The following SH3D19 variants were observed in gnomAD, a reference collection of about 807,000 sequenced individuals.
The protein encoded by SH3D19 is SH3 domain containing 19, also known as SH3 domain-containing protein 19.
A neutral mutation model predicts 112.1 loss-of-function variants in SH3D19; 58 were observed. That is an observed-to-expected ratio of 0.52 (90% confidence interval 0.42 to 0.64). The LOEUF (loss-of-function observed/expected upper bound fraction) is 0.64. SH3D19 is among the 30% of genes least tolerant of loss of function. SH3D19 has a pLI of 0.00. For missense variants in SH3D19, 1,090 were observed against 1,263.4 expected (o/e 0.86, Z 2.08); for synonymous variants, 391 against 448.5 (o/e 0.87, Z 1.62).
At chr4:151,158,069 TAGCTGGAA>T (rs1756458474) in intron 9 of SH3D19, among the ~76,000 whole-genome samples, 1 of 152,098 alleles carries the variant, frequency 6.6e-6, no homozygotes, top group Non-Finnish European at 1.5e-5. Context: ...TAGCTTCAAA[TAGCTGGAA>T]GGAAGATATT....
At chr4:151,267,756 A>G (rs992062977) in intron 1 of SH3D19, among the ~76,000 whole-genome samples, 6 of 152,188 alleles carry the variant, frequency 3.9e-5, no homozygotes, top group Admixed American at 3.3e-4. Flanking sequence ...GACCAAAAGA[A>G]CAGGTGCATT....
intron 1 of SH3D19, among the ~76,000 whole-genome samples, chr4:151,234,551 C>A (rs910786739): frequency 4.6e-5 from 7 of 152,090 alleles, no homozygotes; most frequent in Admixed American, 4.6e-4. Context: ...CCTAATGATT[C>A]TCTTGCCTTA....
At chr4:151,235,735 G>C (rs997835763) in intron 1 of SH3D19, among the ~76,000 whole-genome samples, 1 of 152,170 alleles carries the variant, frequency 6.6e-6, no homozygotes, top group South Asian at 2.1e-4. Context: ...GCAGTGAGCT[G>C]AGATTGCGCC....
intron 18 of SH3D19, 87 bp downstream of exon 18, chr4:151,128,083 A>C: frequency 1.4e-5 from 14 of 1,036,520 alleles, no homozygotes; most frequent in Non-Finnish European, 1.7e-5. Context: ...CAAACTGAGC[A>C]TGGCCAGAGG....
intron 7 of SH3D19, chr4:151,170,683 G>A (rs902715586): frequency 6.6e-6 from 1 of 152,088 alleles, no homozygotes; most frequent in African/African-American, 2.4e-5. Context: ...TGGCAAAGAC[G>A]ACAAGAGATA....
chr4:151,172,761 C>A (rs1192958413), intron 7 of SH3D19, among the ~76,000 whole-genome samples: 1 of 152,132 alleles, frequency 6.6e-6, no homozygotes, highest in African/African-American at 2.4e-5. Context: ...AACAGCTAGC[C>A]ACTGTGTGAC....
chr4:151,287,364 G>C (rs1352954771), intron 1 of SH3D19, among the ~76,000 whole-genome samples: 1 of 149,042 alleles, frequency 6.7e-6, no homozygotes, highest in South Asian at 2.1e-4. Context: ...AAAAAAAAGA[G>C]GGAACACTTC....
rs373615753 is a variant in SH3D19 at position 151,147,974 on chromosome 4, G to A, written c.2030C>T (p.Pro677Leu). The part of the protein sequence containing the change: ...AKSQVFKNQD[P>L]VLPPRPKPGH... Reference sequence around the variant, plus strand: ...TGGTTTGGGACGAGGGGGTAGCACCGGATCTTGATTTTTAAAAACTTGACT... The same window carrying A: ...TGGTTTGGGACGAGGGGGTAGCACCAGATCTTGATTTTTAAAAACTTGACT... Residue 677 changes from proline to leucine, a missense_variant, in exon 11 of 20, where the codon CCG becomes CTG. Physicochemically the swap from Pro to Leu is moderately conservative, Grantham distance 98. Transcript: ENST00000604030. The A allele has an allele frequency of 2.5e-5, 40 of 1,613,946 alleles. No individual in the cohort carries two copies. The highest frequency in any genetic ancestry group is 4.4e-5 in the South Asian group (4 of 91,074).
intron 1 of SH3D19, among the ~76,000 whole-genome samples, chr4:151,241,409 A>G (rs1770546734): frequency 6.6e-6 from 1 of 151,980 alleles, no homozygotes; most frequent in African/African-American, 2.4e-5. Context: ...ATAAAGACAG[A>G]AAGTATTATA....
intron 1 of SH3D19, among the ~76,000 whole-genome samples, chr4:151,267,353 C>T (rs114979651): frequency 0.014 from 2,169 of 151,708 alleles, 28 homozygotes; most frequent in Non-Finnish European, 0.024. Flanking sequence ...AAAAAAAAGG[C>T]TCTTTCCACT....
chr4:151,127,774 A>G, intron 18 of SH3D19, 59 bp from the exon 19 acceptor site: 1 of 1,016,254 alleles, frequency 9.8e-7, no homozygotes, highest in Non-Finnish European at 1.4e-6. Flanking sequence ...ACACAAATCT[A>G]ACATTTTTTA....
chr4:151,318,260 C>T (rs1214840679), intron 1 of SH3D19, among the ~76,000 whole-genome samples: 1 of 138,870 alleles, frequency 7.2e-6, no homozygotes, highest in Non-Finnish European at 1.5e-5. Context: ...AAGATCGCGC[C>T]ACTGCACTCC....
intron 1 of SH3D19, among the ~76,000 whole-genome samples, chr4:151,248,808 T>TAAACA (rs962350296): frequency 7.9e-5 from 12 of 152,114 alleles, no homozygotes; most frequent in African/African-American, 1.4e-4. Flanking sequence ...CACCCCCTTG[T>TAAACA]AAACAAAACA....
chr4:151,268,189 A>G (rs114754737), intron 1 of SH3D19, among the ~76,000 whole-genome samples: 21 of 152,354 alleles, frequency 1.4e-4, no homozygotes, highest in African/African-American at 4.8e-4. Context: ...TGTACTGAAC[A>G]CTGTAGGCAA....
At chr4:151,286,539 C>A (rs1774804872) in intron 1 of SH3D19, among the ~76,000 whole-genome samples, 1 of 150,058 alleles carries the variant, frequency 6.7e-6, no homozygotes. Context: ...CATAACTTAC[C>A]TAAGAAGAAA....
At chr4:151,218,814 T>C (rs1053829312) in intron 2 of SH3D19, among the ~76,000 whole-genome samples, 13 of 152,206 alleles carry the variant, frequency 8.5e-5, no homozygotes, top group African/African-American at 3.1e-4. Context: ...TGTTTTGCCA[T>C]GTGGTCCCTG....
rs575080445 is a variant in SH3D19, at chr4:151,276,156, C to T, written c.112+49085G>A. Reference sequence around the variant, plus strand: ...CCGTGCCTGGCCTATTAGTTTTAAACTGCTTATATGTTTCTTTCAAGCATC... The same window carrying T: ...CCGTGCCTGGCCTATTAGTTTTAAATTGCTTATATGTTTCTTTCAAGCATC... On this transcript the variant is annotated intron_variant, in intron 1 of 19. Transcript: ENST00000604030. 3.3e-5 allele frequency among the ~76,000 whole-genome samples: 5 copies of T among 152,166 alleles called. No homozygotes were observed. In the South Asian group the frequency reaches 8.3e-4, roughly 25 times the overall value.
chr4:151,319,214 A>ATTTTTGTATTTTTGT (rs1730306427), intron 1 of SH3D19, among the ~76,000 whole-genome samples: 2 of 152,146 alleles, frequency 1.3e-5, no homozygotes, highest in Non-Finnish European at 2.9e-5. Context: ...ACATCTGGCT[A>ATTTTTGTATTTTTGT]ATTTTTTGTA....
At chr4:151,292,188 A>G (rs1349845762) in intron 1 of SH3D19, among the ~76,000 whole-genome samples, 3 of 152,066 alleles carry the variant, frequency 2.0e-5, no homozygotes, top group Non-Finnish European at 4.4e-5. Context: ...GGTCTCAGCT[A>G]CTTGGGAAGC....
Sources: gnomAD v4.1 joint callset for allele counts (sites outside exome capture counted in the v4.1 genomes callset) on GRCh38, gnomAD v4.1.1 for gene constraint, MANE v1.5 for transcripts, NCBI Gene and HGNC (gene_info 2026-07-23, HGNC 2026-07-21) for gene names.